The following PRKCH variants were observed in gnomAD, a reference collection of about 807,000 sequenced individuals.
PRKCH encodes protein kinase C eta.
PRKCH carries 28 observed loss-of-function variants against 82.5 expected under a neutral mutation model. The observed-to-expected ratio is 0.34, with a 90% CI of 0.25 to 0.47. The LOEUF (loss-of-function observed/expected upper bound fraction) is 0.47, where lower values mean the gene tolerates loss of function less well. Ranked by LOEUF, PRKCH falls within the 20% of genes least tolerant of loss-of-function variation. The pLI is 1.00. For missense variants in PRKCH, 705 were observed against 881.8 expected, an observed-to-expected ratio of 0.80 and a Z score of 2.54; for synonymous variants, 322 against 327.4, an observed-to-expected ratio of 0.98 and a Z score of 0.18.
rs144616661 is a variant in PRKCH at position 61,194,635 on chromosome 14, C to A, written c.-19+6967C>A. On this transcript the variant is annotated intron_variant, in intron 1 of 3. Coordinates refer to the PRKCH transcript ENST00000555185. ...ATATTGTTATAGCAGCCCAAACAGA[C>A]TAAGACATCCATTTACCCTATTTTG... Among the ~76,000 whole-genome samples the A allele has an allele frequency of 5.0e-3, 769 of 152,328 alleles. 16 individuals are homozygous for A. Among genetic ancestry groups the A allele is most frequent in the African/African-American group, 0.017 (712 of 41,568 alleles).
chr14:61,282,091 G>C (rs573181393), intron 1 of PRKCH, among the ~76,000 whole-genome samples: 1 of 151,770 alleles, frequency 6.6e-6, no homozygotes, highest in African/African-American at 2.4e-5. Flanking sequence ...ATGTGATTTC[G>C]TTTTCTTTTC....
chr14:61,220,813 G>T (rs544641085), intron 1 of PRKCH, among the ~76,000 whole-genome samples: 3 of 152,208 alleles, frequency 2.0e-5, no homozygotes, highest in African/African-American at 7.2e-5. Context: ...AGGATTAAAA[G>T]AAAAAGGAAG....
intron 1 of PRKCH, among the ~76,000 whole-genome samples, chr14:61,331,318 C>T (rs1308408077): frequency 6.6e-6 from 1 of 152,078 alleles, no homozygotes; most frequent in East Asian, 1.9e-4. Flanking sequence ...TTAACTTTTA[C>T]TGCAAATTAG....
At chr14:61,492,728 G>A (rs948250000) in intron 10 of PRKCH, among the ~76,000 whole-genome samples, 97 of 152,230 alleles carry the variant, frequency 6.4e-4, no homozygotes, top group African/African-American at 2.2e-3. Flanking sequence ...TGAGATGTCT[G>A]CCCTTTGAGG....
chr14:61,357,435 A>G (rs2046165623), intron 1 of PRKCH, among the ~76,000 whole-genome samples: 1 of 152,226 alleles, frequency 6.6e-6, no homozygotes, highest in Admixed American at 6.5e-5. Flanking sequence ...GGGGTATCCC[A>G]TCTGCTCCTG....
chr14:61,549,645 C>A, intron 13 of PRKCH, 40 bp from the exon 14 acceptor site: 1 of 1,602,242 alleles, frequency 6.2e-7, no homozygotes, highest in South Asian at 1.1e-5. Context: ...AAGCCTCAAG[C>A]GCAAAAATCT....
chr14:61,412,365 C>T (rs1882311232), intron 2 of PRKCH, among the ~76,000 whole-genome samples: 1 of 152,102 alleles, frequency 6.6e-6, no homozygotes, highest in Admixed American at 6.6e-5. Context: ...AACAAAAAGA[C>T]CCCAATTGGA....
intron 1 of PRKCH, among the ~76,000 whole-genome samples, chr14:61,380,408 G>A (rs1306228573): frequency 6.7e-6 from 1 of 149,650 alleles, no homozygotes; most frequent in Non-Finnish European, 1.5e-5. Context: ...TAGTTCTGGA[G>A]AGCAGAGTCT....
chr14:61,196,366 G>A (rs763883844), intron 1 of PRKCH, among the ~76,000 whole-genome samples: 5 of 152,262 alleles, frequency 3.3e-5, no homozygotes, highest in East Asian at 1.9e-4. Context: ...CCCAGTTTCC[G>A]CCTTTGGATG....
intron 1 of PRKCH, among the ~76,000 whole-genome samples, chr14:61,250,352 G>C (rs147270304): frequency 7.9e-4 from 121 of 152,220 alleles, no homozygotes; most frequent in African/African-American, 2.5e-3. Context: ...ATGCCCTTCA[G>C]TAGGTGAATA....
chr14:61,324,049 TC>T (rs2045664103), intron 1 of PRKCH, among the ~76,000 whole-genome samples: 1 of 152,142 alleles, frequency 6.6e-6, no homozygotes, highest in African/African-American at 2.4e-5. Flanking sequence ...CTTTAAAAAA[TC>T]CCCACTTTTA....
At chr14:61,297,535 G>C (rs537985101) in intron 1 of PRKCH, among the ~76,000 whole-genome samples, 99 of 152,292 alleles carry the variant, frequency 6.5e-4, no homozygotes, top group African/African-American at 2.4e-3. Flanking sequence ...TGGTTTCATG[G>C]AAAACCATTT....
intron 1 of PRKCH, among the ~76,000 whole-genome samples, chr14:61,272,906 A>G (rs954976203): frequency 2.6e-5 from 4 of 152,088 alleles, no homozygotes; most frequent in African/African-American, 9.7e-5. Flanking sequence ...CTCTGGTTCC[A>G]CAGCCTGCTT....
At chr14:61,379,683 G>A (rs1232611670) in intron 1 of PRKCH, among the ~76,000 whole-genome samples, 4 of 152,140 alleles carry the variant, frequency 2.6e-5, no homozygotes, top group African/African-American at 9.7e-5. Context: ...TCACTTGTGG[G>A]GCCGATGACC....
chr14:61,424,848 C>T (rs536188857), intron 2 of PRKCH, among the ~76,000 whole-genome samples: 1 of 152,366 alleles, frequency 6.6e-6, no homozygotes, highest in South Asian at 2.1e-4. Context: ...CAGGACCCTG[C>T]TGCTCTGTGC....
intron 12 of PRKCH, 31 bp downstream of exon 12, chr14:61,530,626 T>G (rs2043034241): frequency 1.3e-6 from 2 of 1,559,728 alleles, no homozygotes; most frequent in Admixed American, 3.7e-5. Context: ...TAGCTTCTGA[T>G]GTATTGCAAA....
At chr14:61,189,637 G>T (rs1477986620) in intron 1 of PRKCH, among the ~76,000 whole-genome samples, 2 of 147,354 alleles carry the variant, frequency 1.4e-5, no homozygotes, top group South Asian at 2.1e-4. Flanking sequence ...CTTTCTCTCT[G>T]TCTTCCTACC....
At chr14:61,413,407 C>A (rs919979175) in intron 2 of PRKCH, among the ~76,000 whole-genome samples, 8 of 27,386 alleles carry the variant, frequency 2.9e-4, no homozygotes, top group South Asian at 2.8e-3. Flanking sequence ...TTAAGCGCCC[C>A]CCCCCCGCCC....
chr14:61,412,583 A>T (rs555398578), intron 2 of PRKCH, among the ~76,000 whole-genome samples: 10 of 152,024 alleles, frequency 6.6e-5, no homozygotes, highest in African/African-American at 2.4e-4. Flanking sequence ...ATCTTCCTTC[A>T]TGCCTGCTGT....
Sources: allele counts gnomAD v4.1 joint callset (sites outside exome capture counted in the v4.1 genomes callset), GRCh38; gene constraint gnomAD v4.1.1; transcripts MANE v1.5; gene names NCBI Gene and HGNC (gene_info 2026-07-23, HGNC 2026-07-21).